The following PARD3 variants were observed in gnomAD, a reference collection of about 807,000 sequenced individuals.
PARD3 encodes the protein par-3 family cell polarity regulator.
In PARD3, 75 loss-of-function variants were observed where a neutral mutation model predicts 155.4. The ratio of observed to expected loss-of-function variants is 0.48; its 90% CI spans 0.40 to 0.58. The LOEUF (loss-of-function observed/expected upper bound fraction) is 0.58. PARD3 is among the 20% of genes least tolerant of loss of function. The pLI is 0.00. For missense variants in PARD3, 1,642 were observed against 1,721.7 expected (o/e 0.95, Z 0.82); for synonymous variants, 576 against 610.5 (o/e 0.94, Z 0.83).
At position 34,382,604 on chromosome 10, in the gene PARD3, C is replaced by A. The variant is rs749041050; in HGVS notation, c.1335G>T (p.Thr445=). The change falls in exon 9 of 25, where the codon ACG becomes ACT. Residue 445 remains threonine (T), a synonymous_variant. Transcript: ENST00000374788. ...PASAPQNVFS[T]TVSSGYNTKK... Reference sequence around the variant, plus strand: ...TGGTGTTATAACCACTGCTTACAGTCGTACTAAATACATTCTGAGGTGCCG... The same window carrying A: ...TGGTGTTATAACCACTGCTTACAGTAGTACTAAATACATTCTGAGGTGCCG... 1.9e-6 allele frequency: 3 copies of A among 1,613,914 alleles called. No individual in the cohort carries two copies. Among genetic ancestry groups the A allele is most frequent in the Admixed American group, 3.3e-5 (2 of 60,014 alleles).
At chr10:34,169,721 G>T (rs1949699443) in intron 22 of PARD3, among the ~76,000 whole-genome samples, 1 of 152,200 alleles carries the variant, frequency 6.6e-6, no homozygotes, top group African/African-American at 2.4e-5. Context: ...ACAACCTAAA[G>T]AATGGAGTGA....
Position 34,595,404 on chromosome 10 carries a change from T to C in PARD3, c.223-78245A>G, listed in dbSNP as rs757497036. Among the ~76,000 whole-genome samples, 40 of 152,280 alleles carry C rather than the reference T, an allele frequency of 2.6e-4. 1 individual carries two copies. Among genetic ancestry groups the C allele is most frequent in the Non-Finnish European group, 1.9e-4 (13 of 68,028 alleles). On this transcript the variant is annotated intron_variant, in intron 2 of 24. Transcript: ENST00000374788. ...TTTGAAAATGTAAAAATAAAAAAAA[T>C]TTACTTAAAACTAGAACTTAAGTCT...
rs1011136484 is a variant in PARD3, at chr10:34,401,816, A to C, written c.806+10T>G. The C allele has an allele frequency of 6.4e-7, 1 of 1,574,696 alleles. No individual in the cohort carries two copies. The highest frequency in any genetic ancestry group is 1.3e-5 in the African/African-American group (1 of 74,148). On this transcript the variant is annotated intron_variant, in intron 6 of 24. Coordinates refer to ENST00000374788, the MANE Select transcript of PARD3 (RefSeq NM_001184785.2). Reference sequence around the variant, plus strand: ...TACTGCAAACTTAGTTGAAACCATCAGTAACTTACTCCAGAGAAAAGTTGG... The same window carrying C: ...TACTGCAAACTTAGTTGAAACCATCCGTAACTTACTCCAGAGAAAAGTTGG...
chr10:34,222,428 G>A (rs1325504011), intron 22 of PARD3, among the ~76,000 whole-genome samples: 2 of 152,214 alleles, frequency 1.3e-5, no homozygotes, highest in Non-Finnish European at 2.9e-5. Flanking sequence ...GACAGCATGA[G>A]GCCCCAAATG....
intron 23 of PARD3, among the ~76,000 whole-genome samples, chr10:34,124,279 G>A (rs938148967): frequency 2.0e-5 from 3 of 152,180 alleles, no homozygotes; most frequent in African/African-American, 7.2e-5. Context: ...TGATGCTGAT[G>A]ACAAAAAGAC....
intron 12 of PARD3, among the ~76,000 whole-genome samples, chr10:34,368,627 G>A (rs995793980): frequency 6.6e-6 from 1 of 151,792 alleles, no homozygotes. Flanking sequence ...AGCCAAGATC[G>A]CACCATTGCA....
intron 22 of PARD3, among the ~76,000 whole-genome samples, chr10:34,203,269 C>A (rs1377872622): frequency 6.6e-6 from 1 of 152,110 alleles, no homozygotes; most frequent in African/African-American, 2.4e-5. Flanking sequence ...AGAATGAAGG[C>A]AAAATGGATT....
At chr10:34,639,419 A>G (rs902686977) in intron 2 of PARD3, among the ~76,000 whole-genome samples, 26 of 151,462 alleles carry the variant, frequency 1.7e-4, no homozygotes, top group Admixed American at 4.0e-4. Context: ...AAACACAAGG[A>G]AAAAAAACAC....
At chr10:34,753,277 G>T (rs1285601852) in intron 1 of PARD3, among the ~76,000 whole-genome samples, 1 of 152,226 alleles carries the variant, frequency 6.6e-6, no homozygotes, top group Non-Finnish European at 1.5e-5. Flanking sequence ...AAGAGCTGGG[G>T]ACACCCTTGG....
intron 1 of PARD3, among the ~76,000 whole-genome samples, chr10:34,796,957 C>G (rs750092909): frequency 3.3e-5 from 5 of 152,174 alleles, no homozygotes; most frequent in Admixed American, 6.5e-5. Flanking sequence ...TGCACTCCAG[C>G]CTGGATGGCA....
chr10:34,521,383 A>AT (rs2082138694), intron 2 of PARD3, among the ~76,000 whole-genome samples: 1 of 146,754 alleles, frequency 6.8e-6, no homozygotes, highest in Non-Finnish European at 1.5e-5. Context: ...AAAAAAAAAA[A>AT]GGTGGGGGGA....
intron 1 of PARD3, among the ~76,000 whole-genome samples, chr10:34,723,482 G>A (rs951390761): frequency 6.6e-6 from 1 of 152,140 alleles, no homozygotes; most frequent in African/African-American, 2.4e-5. Flanking sequence ...GAAGCATAGT[G>A]CCTTTGACTT....
chr10:34,215,283 G>A (rs980376141), intron 22 of PARD3, among the ~76,000 whole-genome samples: 1 of 152,064 alleles, frequency 6.6e-6, no homozygotes, highest in Non-Finnish European at 1.5e-5. Flanking sequence ...AAATTTCCAG[G>A]TCTGGTTTCC....
intron 3 of PARD3, among the ~76,000 whole-genome samples, chr10:34,489,549 A>G (rs950926733): frequency 3.9e-5 from 6 of 152,254 alleles, no homozygotes; most frequent in Non-Finnish European, 5.9e-5. Flanking sequence ...CTGGCGATTA[A>G]TAAAGCCATT....
intron 3 of PARD3, among the ~76,000 whole-genome samples, chr10:34,490,780 CTT>C: frequency 6.6e-6 from 1 of 152,258 alleles, no homozygotes; most frequent in Middle Eastern, 3.4e-3. Flanking sequence ...AAACGTCACA[CTT>C]GTTTGTATAC....
chr10:34,588,755 C>G (rs1430603129), intron 2 of PARD3, among the ~76,000 whole-genome samples: 1 of 152,186 alleles, frequency 6.6e-6, no homozygotes, highest in Non-Finnish European at 1.5e-5. Context: ...AATTGTGCAG[C>G]CACTCCTGAC....
chr10:34,111,136 T>C lies in PARD3; in HGVS notation c.*33A>G. ...AGTCTTCATAGGAAAATGTCTTTTATTGCGCGACATGAAGCATCCGTTATT... is the reference window on the plus strand; with the variant it reads ...AGTCTTCATAGGAAAATGTCTTTTACTGCGCGACATGAAGCATCCGTTATT... On this transcript the variant is annotated 3_prime_UTR_variant, in exon 25 of 25. Coordinates refer to ENST00000374788, the MANE Select transcript of PARD3 (RefSeq NM_001184785.2). 4 of 1,514,176 alleles carry C rather than the reference T, an allele frequency of 2.6e-6. No individual in the cohort carries two copies. Among genetic ancestry groups the C allele is most frequent in the Non-Finnish European group, 2.7e-6 (3 of 1,131,606 alleles). 93.8% of individuals were successfully genotyped at this position (1,514,176 alleles called of 1,614,324 possible). A position where few individuals can be genotyped will look rare whatever the true frequency, so the allele number is the denominator to read the frequency against.
chr10:34,336,221 A>G lies in PARD3; in HGVS notation c.2583T>C (p.Asn861=). 1 of 1,612,672 alleles carries G rather than the reference A, an allele frequency of 6.2e-7. No homozygotes were observed. Among genetic ancestry groups the G allele is most frequent in the Non-Finnish European group, 8.5e-7 (1 of 1,178,892 alleles). The change falls in exon 18 of 25, where the codon AAT becomes AAC. Residue 861 remains asparagine (N), a synonymous_variant. Coordinates refer to ENST00000374788, the MANE Select transcript of PARD3 (RefSeq NM_001184785.2). Reference sequence around the variant, plus strand: ...TACCTGCTTTCTGGTCATCCACTGTATTGAGTTTAGTCTCGTCAGCTACTG... The same window carrying G: ...TACCTGCTTTCTGGTCATCCACTGTGTTGAGTTTAGTCTCGTCAGCTACTG... ...DLGIADETKL[N]TVDDQKAGSP...
At chr10:34,803,517 G>A (rs542275771) in intron 1 of PARD3, among the ~76,000 whole-genome samples, 46 of 152,250 alleles carry the variant, frequency 3.0e-4, no homozygotes, top group Admixed American at 9.8e-4. Context: ...TTGGCCGGGC[G>A]CGGTGGCTCA....
Sources: gnomAD v4.1 joint callset for allele counts (sites outside exome capture counted in the v4.1 genomes callset) on GRCh38, gnomAD v4.1.1 for gene constraint, MANE v1.5 for transcripts, NCBI Gene and HGNC (gene_info 2026-07-23, HGNC 2026-07-21) for gene names.